EPHB4: variants seen among roughly 807,000 people sequenced by gnomAD.
The protein encoded by EPHB4 is ephrin type-B receptor 4.
In EPHB4, 50 loss-of-function variants were observed where a neutral mutation model predicts 110.6. The ratio of observed to expected loss-of-function variants is 0.45; its 90% confidence interval spans 0.36 to 0.57. The LOEUF is 0.57. Among genes scored for constraint, EPHB4 ranks in the 20% least tolerant of loss-of-function variants. The pLI is 0.00. For missense variants in EPHB4, 1,128 were observed against 1,382.1 expected, an observed-to-expected ratio of 0.82 and a Z score of 2.91; for synonymous variants, 592 against 578.4, an observed-to-expected ratio of 1.02 and a Z score of -0.34.
intron 1 of EPHB4, among the ~76,000 whole-genome samples, chr7:100,825,830 C>T (rs1584669110): frequency 6.6e-6 from 1 of 152,212 alleles, no homozygotes; most frequent in Non-Finnish European, 1.5e-5. Flanking sequence ...TGCGTCTTTC[C>T]TTCTCACCAC....
intron 10 of EPHB4, 52 bp from the exon 11 acceptor site, chr7:100,813,260 C>G (rs759947298): frequency 7.2e-7 from 1 of 1,382,672 alleles, no homozygotes; most frequent in Non-Finnish European, 1.0e-6. Context: ...CCACTGGACT[C>G]GGAGGCTCGG....
At position 100,803,384 on chromosome 7, in the gene EPHB4, C is replaced by G; in HGVS notation, c.*77G>C. 7.1e-7 allele frequency: 1 copy of G among 1,417,320 alleles called. No homozygotes were observed. 87.8% of individuals were successfully genotyped at this position (1,417,320 alleles called of 1,614,324 possible). ...AAGTGCAATCCAGCGGGGCACAGGG[C>G]TGGGGGCCTCTGTGAGTCCCCACTC... On this transcript the variant is annotated 3_prime_UTR_variant, in exon 17 of 17. Coordinates refer to ENST00000358173, the MANE Select transcript of EPHB4 (RefSeq NM_004444.5).
intron 1 of EPHB4, 77 bp downstream of exon 1, chr7:100,826,902 C>A: frequency 6.6e-7 from 1 of 1,507,628 alleles, no homozygotes; most frequent in Non-Finnish European, 8.9e-7. Flanking sequence ...AGGCCGGCCC[C>A]TCCACTCCGA....
rs1222689023 is a variant in EPHB4, at chr7:100,817,257, C to T, written c.1523G>A (p.Arg508Gln). 4 of 1,607,036 alleles carry T rather than the reference C, an allele frequency of 2.5e-6. No homozygotes were observed. The highest frequency in any genetic ancestry group is 1.3e-5 in the African/African-American group (1 of 74,432). The stretch of plus-strand genomic sequence containing the variant: ...CCCGTAGCCGGCCTCAGAGCGCGCC[C>T]GTACCTGCACCAGGTAGCTGGCTCC... ...KRGASYLVQV[R>Q]ARSEAGYGPF... The change falls in exon 8 of 17, where the codon CGG (arginine) becomes CAG (glutamine). Residue 508 changes from arginine to glutamine, a missense_variant. Physicochemically the swap from Arg to Gln is conservative, Grantham distance 43 (BLOSUM62 1). Coordinates refer to ENST00000358173, the MANE Select transcript of EPHB4 (RefSeq NM_004444.5).
chr7:100,815,980 G>A (rs2116440253), intron 8 of EPHB4, among the ~76,000 whole-genome samples: 1 of 150,138 alleles, frequency 6.7e-6, no homozygotes, highest in Non-Finnish European at 1.5e-5. Flanking sequence ...AAAAAAGACC[G>A]TGTCTCTTAA....
chr7:100,806,818 G>A (rs1222146547), intron 13 of EPHB4, among the ~76,000 whole-genome samples: 1 of 152,074 alleles, frequency 6.6e-6, no homozygotes, highest in Non-Finnish European at 1.5e-5. Flanking sequence ...TTACAGGCGT[G>A]TACCACCACC....
Position 100,822,203 on chromosome 7 carries a change from G to C in EPHB4, c.808+68C>G. ...ATACAAAATGGAAACTTAAGAAGTG[G>C]GTCCTGAGTGGAGTTCAGGACTCTC... On this transcript the variant is annotated intron_variant, in intron 4 of 16. Coordinates refer to ENST00000358173, the MANE Select transcript of EPHB4 (RefSeq NM_004444.5). This position sits in a 1 kb window ranked among gnomAD's most constrained non-coding sequence, Gnocchi z 4.7. 1 of 1,474,040 alleles carries C rather than the reference G, an allele frequency of 6.8e-7. No individual in the cohort carries two copies. The highest frequency in any genetic ancestry group is 9.0e-7 in the Non-Finnish European group (1 of 1,110,704). The allele number at this position is 1,474,040 out of a possible 1,614,324, so 91.3% of individuals were successfully genotyped here. A position where few individuals can be genotyped will look rare whatever the true frequency, so the allele number is the denominator to read the frequency against.
chr7:100,814,909 C>A (rs1445751113), intron 8 of EPHB4, among the ~76,000 whole-genome samples: 6 of 152,034 alleles, frequency 3.9e-5, no homozygotes, highest in Admixed American at 3.9e-4. Flanking sequence ...CCCAGATACT[C>A]AGGAGGCTGA....
chr7:100,821,741 C>CT (rs1813238183), intron 4 of EPHB4, among the ~76,000 whole-genome samples: 2 of 151,950 alleles, frequency 1.3e-5, no homozygotes, highest in African/African-American at 4.8e-5. Flanking sequence ...AGTGCTGGCA[C>CT]TATGGGCATG....
At chr7:100,807,249 G>A in intron 13 of EPHB4, 116 bp downstream of exon 13, 1 of 1,058,078 alleles carries the variant, frequency 9.5e-7, no homozygotes, top group East Asian at 2.5e-5. Flanking sequence ...CCCACAGCCT[G>A]CTCCTGTATC....
intron 12 of EPHB4, among the ~76,000 whole-genome samples, chr7:100,809,650 A>C (rs1812887661): frequency 6.6e-6 from 1 of 152,126 alleles, no homozygotes; most frequent in Non-Finnish European, 1.5e-5. Context: ...AGTAGCTGGG[A>C]CTACAGATAT....
Position 100,818,560 on chromosome 7 carries a change from C to T in EPHB4, c.1382G>A (p.Ser461Asn). ...GACCTCGTAGTCCAGCACAGCCCCACTGGGTGCCCGGGGAACAGCCCAGGC... is the reference window on the plus strand; with the variant it reads ...GACCTCGTAGTCCAGCACAGCCCCATTGGGTGCCCGGGGAACAGCCCAGGC... ...SLAWAVPRAP[S>N]GAVLDYEVKY... The change falls in exon 7 of 17, where the codon AGT becomes AAT. Residue 461 changes from serine to asparagine, a missense_variant. Around this residue, in one of 3 missense-constraint regions of EPHB4, gnomAD observed 728 missense variants for 828.6 expected, o/e 0.88. Transcript: ENST00000358173. 6.2e-7 allele frequency: 1 copy of T among 1,614,072 alleles called. No homozygotes were observed. Among genetic ancestry groups the T allele is most frequent in the African/African-American group, 1.3e-5 (1 of 75,056 alleles).
chr7:100,804,308 C>CTTTTTTTTT (rs11338293), intron 16 of EPHB4, among the ~76,000 whole-genome samples: 2 of 71,568 alleles, frequency 2.8e-5, no homozygotes, highest in Admixed American at 2.1e-4. Context: ...CTTCACATTT[C>CTTTTTTTTT]TTTTTTTTTT....
chr7:100,812,892 C>T lies in EPHB4; in HGVS notation c.1973G>A (p.Arg658Gln). Residue 658 changes from arginine (R) to glutamine (Q), a missense_variant, in exon 12 of 17, where the codon CGG (arginine) becomes CAG (glutamine). Around this residue, in one of 3 missense-constraint regions of EPHB4, gnomAD observed 191 missense variants for 313.0 expected, o/e 0.61. Coordinates refer to ENST00000358173, the MANE Select transcript of EPHB4 (RefSeq NM_004444.5). The stretch of plus-strand genomic sequence containing the variant: ...GGAGGCCTCGCTCAGAAACTCACGC[C>T]GCTGCCGCTCCGTGTAGCCACCCTT... ...TLKGGYTERQ[R>Q]REFLSEASIM... 6.2e-7 allele frequency: 1 copy of T among 1,614,214 alleles called. No homozygotes were observed. The highest frequency in any genetic ancestry group is 8.5e-7 in the Non-Finnish European group (1 of 1,180,036).
In EPHB4 at chr7:100,822,535, C is replaced by T. The variant is rs766340347; in HGVS notation, c.544G>A (p.Gly182Ser). ...AGGGATAGCAGGGCCATGCAGGCACCCTGGTCCTGGAAGGCCAGGTAGAAG... is the reference window on the plus strand; with the variant it reads ...AGGGATAGCAGGGCCATGCAGGCACTCTGGTCCTGGAAGGCCAGGTAGAAG... ...AGFYLAFQDQ[G>S]ACMALLSLHL... The change falls in exon 4 of 17, where the codon GGT becomes AGT. Residue 182 changes from glycine (G) to serine (S), a missense_variant. Physicochemically the swap from Gly to Ser is moderately conservative, Grantham distance 56 (BLOSUM62 0). This residue lies in a region of EPHB4 where 728 missense variants were observed against 828.6 expected (regional missense o/e 0.88). Coordinates refer to ENST00000358173, the MANE Select transcript of EPHB4 (RefSeq NM_004444.5). This position sits in a 1 kb window ranked among gnomAD's most constrained non-coding sequence, Gnocchi z 4.7. 1.9e-6 allele frequency: 3 copies of T among 1,613,380 alleles called. No individual in the cohort carries two copies. Among genetic ancestry groups the T allele is most frequent in the Non-Finnish European group, 2.5e-6 (3 of 1,179,936 alleles).
Position 100,805,591 on chromosome 7 carries a change from G to A in EPHB4, c.2588C>T (p.Ala863Val), listed in dbSNP as rs375175851. Reference sequence around the variant, plus strand: ...GACCACCTGGGGGAAGCGGGGCCGGGCATTCCGGTCTTTCTGCCAACAGTC... The same window carrying A: ...GACCACCTGGGGGAAGCGGGGCCGGACATTCCGGTCTTTCTGCCAACAGTC... ...MLDCWQKDRN[A>V]RPRFPQVVSA... Residue 863 changes from alanine to valine, a missense_variant, in exon 15 of 17, where the codon GCC becomes GTC. By Grantham distance (64) the Ala-to-Val change is moderately conservative (BLOSUM62 0). This residue lies in a region of EPHB4 where 209 missense variants were observed against 240.5 expected (regional missense o/e 0.87). Coordinates refer to ENST00000358173, the MANE Select transcript of EPHB4 (RefSeq NM_004444.5). 7.1e-6 allele frequency: 11 copies of A among 1,557,376 alleles called. No individual in the cohort carries two copies. The highest frequency in any genetic ancestry group is 8.7e-6 in the Non-Finnish European group (10 of 1,153,272).
At chr7:100,820,328 G>A (rs983877584) in intron 4 of EPHB4, 32 bp from the exon 5 acceptor site, 4 of 1,608,178 alleles carry the variant, frequency 2.5e-6, no homozygotes, top group African/African-American at 1.3e-5. Context: ...TCAAAAGCAT[G>A]CACAAAAACA....
chr7:100,807,649 T>TC, intron 12 of EPHB4, 69 bp from the exon 13 acceptor site: 2 of 928,012 alleles, frequency 2.2e-6, no homozygotes, highest in Non-Finnish European at 3.0e-6. Flanking sequence ...CATCCACATC[T>TC]TTTTTTTTTA....
rs375150649 is a variant in EPHB4, at chr7:100,807,571, C to T, written c.2128G>A (p.Gly710Arg). The T allele has an allele frequency of 7.4e-5, 120 of 1,612,582 alleles. No homozygotes were observed. The highest frequency in any genetic ancestry group is 8.9e-5 in the Non-Finnish European group (105 of 1,178,988). Residue 710 changes from glycine to arginine, a missense_variant, in exon 13 of 17, where the codon GGA (glycine) becomes AGA (arginine). This residue lies in a region of EPHB4 where 191 missense variants were observed against 313.0 expected (regional missense o/e 0.61). Coordinates refer to ENST00000358173, the MANE Select transcript of EPHB4 (RefSeq NM_004444.5). Reference protein sequence around the residue: ...ALDSFLRLNDGQFTVIQLVGM... With the variant: ...ALDSFLRLNDRQFTVIQLVGM... Reference sequence around the variant, plus strand: ...ACGAGCTGGATGACTGTGAACTGTCCGTCGTTTAGCTGGAGAGCAGATAGG... The same window carrying T: ...ACGAGCTGGATGACTGTGAACTGTCTGTCGTTTAGCTGGAGAGCAGATAGG...
Sources: gnomAD v4.1 joint callset for allele counts (sites outside exome capture counted in the v4.1 genomes callset) on GRCh38, gnomAD v4.1.1 for gene constraint, gnomAD v4.1.1 regional missense constraint, Gnocchi (gnomAD v3.1) non-coding constraint, MANE v1.5 for transcripts, NCBI Gene and HGNC (gene_info 2026-07-23, HGNC 2026-07-21) for gene names.